The following CDK6 variants were observed in gnomAD, a reference collection of about 807,000 sequenced individuals.
The protein encoded by CDK6 is cyclin-dependent kinase 6.
Under a neutral mutation model 37.1 loss-of-function variants are expected in CDK6, and 6 were observed. That is an observed-to-expected ratio of 0.16 (90% CI 0.09 to 0.32). The LOEUF (loss-of-function observed/expected upper bound fraction) is 0.32, where lower values mean the gene tolerates loss of function less well. Ranked by LOEUF, CDK6 falls within the 10% of genes least tolerant of loss-of-function variation. CDK6 has a pLI of 1.00. For missense variants in CDK6, 224 were observed against 418.9 expected, an observed-to-expected ratio of 0.53 and a Z score of 4.06; for synonymous variants, 160 against 161.3, an observed-to-expected ratio of 0.99 and a Z score of 0.06.
intron 2 of CDK6, among the ~76,000 whole-genome samples, chr7:92,820,215 G>C (rs1801138041): frequency 1.3e-5 from 2 of 152,034 alleles, no homozygotes; most frequent in Non-Finnish European, 2.9e-5. Flanking sequence ...CACGAAAATA[G>C]GGCATATTTT....
At chr7:92,736,524 G>A (rs1798790950) in intron 3 of CDK6, among the ~76,000 whole-genome samples, 1 of 152,194 alleles carries the variant, frequency 6.6e-6, no homozygotes, top group African/African-American at 2.4e-5. Context: ...CTGGGAGGAA[G>A]GCTGGTATTA....
intron 2 of CDK6, among the ~76,000 whole-genome samples, chr7:92,783,090 C>A (rs1444005262): frequency 6.6e-6 from 1 of 152,142 alleles, no homozygotes; most frequent in Non-Finnish European, 1.5e-5. Flanking sequence ...TCCTCTCAGA[C>A]CCTACTTGAG....
At chr7:92,760,937 G>A (rs551946560) in intron 3 of CDK6, among the ~76,000 whole-genome samples, 11 of 151,806 alleles carry the variant, frequency 7.2e-5, no homozygotes, top group Admixed American at 1.3e-4. Context: ...CTAATTATTT[G>A]GGAGGTTGAG....
At chr7:92,764,878 T>C (rs924705475) in intron 3 of CDK6, among the ~76,000 whole-genome samples, 2 of 152,228 alleles carry the variant, frequency 1.3e-5, no homozygotes, top group Non-Finnish European at 2.9e-5. Context: ...GGATACCTAC[T>C]TTGTATGCCT....
At chr7:92,766,453 G>A (rs769864105) in intron 3 of CDK6, among the ~76,000 whole-genome samples, 4 of 152,140 alleles carry the variant, frequency 2.6e-5, no homozygotes, top group African/African-American at 4.8e-5. Context: ...GAGGATTCTC[G>A]GTCAATGTTT....
intron 5 of CDK6, among the ~76,000 whole-genome samples, chr7:92,646,887 A>G (rs188938217): frequency 8.5e-5 from 13 of 152,348 alleles, no homozygotes; most frequent in Admixed American, 8.5e-4. Flanking sequence ...TGTTTTGATT[A>G]GTAAAATGAC....
intron 3 of CDK6, among the ~76,000 whole-genome samples, chr7:92,747,082 C>T (rs1799078408): frequency 6.6e-6 from 1 of 152,140 alleles, no homozygotes; most frequent in Non-Finnish European, 1.5e-5. Context: ...TATTGCAGTG[C>T]CCTGAGATAT....
At chr7:92,738,026 T>C (rs1448432233) in intron 3 of CDK6, among the ~76,000 whole-genome samples, 1 of 152,188 alleles carries the variant, frequency 6.6e-6, no homozygotes, top group South Asian at 2.1e-4. Context: ...TTATGGGGAC[T>C]CCATAGAGGT....
intron 3 of CDK6, among the ~76,000 whole-genome samples, chr7:92,771,712 GA>G (rs908244181): frequency 3.9e-5 from 6 of 152,200 alleles, no homozygotes; most frequent in African/African-American, 1.4e-4. Flanking sequence ...TCCCTGCACA[GA>G]GTGAATATTC....
intron 3 of CDK6, among the ~76,000 whole-genome samples, chr7:92,758,070 C>T (rs1489258951): frequency 6.6e-6 from 1 of 152,104 alleles, no homozygotes; most frequent in East Asian, 1.9e-4. Context: ...GCACAGTTTG[C>T]AAATATTTTC....
At chr7:92,809,193 T>C (rs1016533045) in intron 2 of CDK6, among the ~76,000 whole-genome samples, 1 of 152,202 alleles carries the variant, frequency 6.6e-6, no homozygotes, top group Non-Finnish European at 1.5e-5. Flanking sequence ...GTAAAACAAA[T>C]TGGCTGTCAA....
At chr7:92,618,963 C>G (rs1384681293) in intron 6 of CDK6, among the ~76,000 whole-genome samples, 1 of 152,156 alleles carries the variant, frequency 6.6e-6, no homozygotes, top group Non-Finnish European at 1.5e-5. Context: ...CTGCCACTTA[C>G]TGGCAGGTAA....
intron 4 of CDK6, among the ~76,000 whole-genome samples, chr7:92,721,882 G>GTTA (rs1312773656): frequency 2.0e-5 from 3 of 152,068 alleles, no homozygotes; most frequent in Admixed American, 2.0e-4. Context: ...AATATAAAGG[G>GTTA]TTATACCTTA....
At chr7:92,764,578 GA>G (rs1799534050) in intron 3 of CDK6, among the ~76,000 whole-genome samples, 1 of 152,162 alleles carries the variant, frequency 6.6e-6, no homozygotes. Flanking sequence ...TTTACCGTAA[GA>G]ATCAATCTTT....
intron 4 of CDK6, among the ~76,000 whole-genome samples, chr7:92,708,099 T>TG (rs1215924077): frequency 6.6e-6 from 1 of 152,132 alleles, no homozygotes; most frequent in African/African-American, 2.4e-5. Flanking sequence ...GAAAAAGGGC[T>TG]GAAAAAAAAT....
chr7:92,681,147 A>G (rs1176341966), intron 4 of CDK6, among the ~76,000 whole-genome samples: 1 of 152,228 alleles, frequency 6.6e-6, no homozygotes, highest in African/African-American at 2.4e-5. Flanking sequence ...TTGAGTAATC[A>G]TGTATCTTTA....
At chr7:92,734,588 A>G (rs1317913188) in intron 3 of CDK6, among the ~76,000 whole-genome samples, 1 of 152,194 alleles carries the variant, frequency 6.6e-6, no homozygotes, top group Non-Finnish European at 1.5e-5. Context: ...ATGCTCAATG[A>G]GTTTTCATAA....
intron 5 of CDK6, among the ~76,000 whole-genome samples, chr7:92,647,126 A>T (rs1452467857): frequency 1.3e-5 from 2 of 152,188 alleles, no homozygotes; most frequent in African/African-American, 4.8e-5. Flanking sequence ...TCATTTATTC[A>T]TTATTCATTT....
intron 2 of CDK6, among the ~76,000 whole-genome samples, chr7:92,812,887 C>T (rs1411951920): frequency 6.6e-6 from 1 of 152,214 alleles, no homozygotes; most frequent in Non-Finnish European, 1.5e-5. Flanking sequence ...TGCCAATTCA[C>T]AATCACCAGA....
Sources: gnomAD v4.1 joint callset for allele counts (sites outside exome capture counted in the v4.1 genomes callset) on GRCh38, gnomAD v4.1.1 for gene constraint, MANE v1.5 for transcripts, NCBI Gene and HGNC (gene_info 2026-07-23, HGNC 2026-07-21) for gene names.